The following WDR59 variants were observed in gnomAD, a reference collection of about 807,000 sequenced individuals.
The protein encoded by WDR59 is GATOR2 complex protein WDR59.
WDR59 carries 100 observed loss-of-function variants against 131.2 expected under a neutral mutation model. The ratio of observed to expected loss-of-function variants is 0.76; its 90% CI spans 0.65 to 0.90. The LOEUF (loss-of-function observed/expected upper bound fraction) is 0.90. Among genes scored for constraint, WDR59 ranks in the 40% least tolerant of loss-of-function variants. The pLI, the probability that WDR59 is intolerant of heterozygous loss-of-function variation, is 0.00. For synonymous variants in WDR59, 601 were observed against 466.2 expected (o/e 1.29, Z -3.72); for missense variants, 1,203 against 1,262.2 (o/e 0.95, Z 0.71).
intron 1 of WDR59, among the ~76,000 whole-genome samples, chr16:74,981,284 G>A (rs1378638191): frequency 1.3e-5 from 2 of 151,358 alleles, no homozygotes; most frequent in South Asian, 4.2e-4. Context: ...GTTGAGGCAG[G>A]AGAATGCCGT....
chr16:74,955,580 C>T (rs1183564549), intron 3 of WDR59, among the ~76,000 whole-genome samples: 1 of 152,114 alleles, frequency 6.6e-6, no homozygotes, highest in Non-Finnish European at 1.5e-5. Flanking sequence ...CAACCTCGGA[C>T]ATCCACAGTT....
chr16:74,981,631 TATATATATATATATATA>T (rs2034413656), intron 1 of WDR59, among the ~76,000 whole-genome samples: 4 of 5,798 alleles, frequency 6.9e-4, no homozygotes, highest in African/African-American at 2.1e-3. Flanking sequence ...TATATATATA[TATATATATATATATATA>T]TATATATATA....
At chr16:74,957,038 A>G (rs1252112659) in intron 2 of WDR59, among the ~76,000 whole-genome samples, 3 of 152,112 alleles carry the variant, frequency 2.0e-5, no homozygotes, top group South Asian at 4.2e-4. Context: ...TGAATCAACT[A>G]AGTGTTCAGA....
At position 74,938,996 on chromosome 16, in the gene WDR59, T is replaced by C. The variant is rs546066428; in HGVS notation, c.535-730A>G. ...CTAAGATTCCAAAGGAGAATGAATGTACATCACAAAAAAAAACAATACATG... is the reference window on the plus strand; with the variant it reads ...CTAAGATTCCAAAGGAGAATGAATGCACATCACAAAAAAAAACAATACATG... On this transcript the variant is annotated intron_variant, in intron 7 of 25. Transcript: ENST00000262144. 7.9e-5 allele frequency among the ~76,000 whole-genome samples: 12 copies of C among 151,652 alleles called. No homozygotes were observed. In the South Asian group the frequency reaches 2.5e-3, roughly 32 times the overall value.
intron 8 of WDR59, among the ~76,000 whole-genome samples, chr16:74,933,274 C>T (rs1011463302): frequency 1.3e-5 from 2 of 152,104 alleles, no homozygotes; most frequent in Non-Finnish European, 2.9e-5. Flanking sequence ...TGGAGTGCAG[C>T]CTGGGTGACA....
chr16:74,984,681 C>G (rs937149294), intron 1 of WDR59: 7 of 509,800 alleles, frequency 1.4e-5, no homozygotes, highest in Non-Finnish European at 2.5e-5. Flanking sequence ...GAAGCCTCCC[C>G]TCAGCACTCA....
intron 10 of WDR59, among the ~76,000 whole-genome samples, chr16:74,918,414 T>G (rs1470869429): frequency 2.0e-5 from 3 of 152,232 alleles, no homozygotes; most frequent in African/African-American, 4.8e-5. Context: ...AACTTTCACC[T>G]CTGCAAATGT....
At chr16:74,947,114 A>C (rs1013899482) in intron 6 of WDR59, among the ~76,000 whole-genome samples, 1 of 152,218 alleles carries the variant, frequency 6.6e-6, no homozygotes, top group African/African-American at 2.4e-5. Flanking sequence ...GAAAACAGGT[A>C]GATCAGAATG....
chr16:74,893,566 G>T, intron 19 of WDR59, 113 bp downstream of exon 19: 2 of 1,163,898 alleles, frequency 1.7e-6, no homozygotes, highest in Non-Finnish European at 2.4e-6. Context: ...CTAATACATT[G>T]GGCTTTTCCT....
At chr16:74,959,268 G>C in intron 2 of WDR59, 1 of 280,526 alleles carries the variant, frequency 3.6e-6, no homozygotes, top group Non-Finnish European at 7.0e-6. Context: ...ACCAGCCCAG[G>C]AAAAAACAAA....
At chr16:74,932,314 T>C (rs544347190) in intron 8 of WDR59, among the ~76,000 whole-genome samples, 3 of 151,820 alleles carry the variant, frequency 2.0e-5, no homozygotes, top group Non-Finnish European at 2.9e-5. Context: ...CATTTCAAAC[T>C]CCAGTCCTCA....
chr16:74,984,052 G>A (rs2034528360), intron 1 of WDR59, among the ~76,000 whole-genome samples: 1 of 152,048 alleles, frequency 6.6e-6, no homozygotes, highest in South Asian at 2.1e-4. Flanking sequence ...TGAGGTGGGT[G>A]GATCACCTGA....
In WDR59 at chr16:74,916,141, T is replaced by G. The variant is rs762095997; in HGVS notation, c.1085A>C (p.His362Pro). The part of the protein sequence containing the change: ...EDTDHQHTAS[H>P]GEEEALKEDP... ...TGACAAATTACCTTCTTCCTCCCCATGGCTTGCAGTGTGCTGGTGATCTGT... is the reference window on the plus strand; with the variant it reads ...TGACAAATTACCTTCTTCCTCCCCAGGGCTTGCAGTGTGCTGGTGATCTGT... The change falls in exon 12 of 26, where the codon CAT (histidine) becomes CCT (proline). Residue 362 changes from histidine to proline, a missense_variant. Transcript: ENST00000262144. 6.2e-7 allele frequency: 1 copy of G among 1,614,092 alleles called. No homozygotes were observed. The highest frequency in any genetic ancestry group is 1.3e-5 in the African/African-American group (1 of 74,942).
Position 74,892,139 on chromosome 16 carries a change from G to C in WDR59, c.2082+345C>G, listed in dbSNP as rs557510103. 4.9e-4 allele frequency among the ~76,000 whole-genome samples: 75 copies of C among 152,064 alleles called. 1 individual carries two copies. The highest frequency in any genetic ancestry group is 7.1e-4 in the Non-Finnish European group (48 of 67,992). ...ACATCTCTATCTAAAGGAGCACTTT[G>C]GTAAATATTTCATAAAATGAAGCAT... On this transcript the variant is annotated intron_variant, in intron 20 of 25. Transcript: ENST00000262144.
chr16:74,981,648 A>AT (rs2034425190), intron 1 of WDR59, among the ~76,000 whole-genome samples: 1 of 3,216 alleles, frequency 3.1e-4, no homozygotes, highest in Admixed American at 3.9e-3. Flanking sequence ...ATATATATAT[A>AT]TATATATATA....
intron 1 of WDR59, among the ~76,000 whole-genome samples, chr16:74,975,594 G>A (rs564723886): frequency 6.6e-6 from 1 of 150,854 alleles, no homozygotes; most frequent in South Asian, 2.1e-4. Flanking sequence ...AACCTGGGAG[G>A]TGGAGGATGC....
Position 74,886,333 on chromosome 16 carries a change from A to G in WDR59, c.2483T>C (p.Phe828Ser). 5 of 1,614,008 alleles carry G rather than the reference A, an allele frequency of 3.1e-6. 1 individual carries two copies. The highest frequency in any genetic ancestry group is 4.2e-6 in the Non-Finnish European group (5 of 1,180,004). The stretch of plus-strand genomic sequence containing the variant: ...GGGATCACTGTAGGTCAGACTCCCA[A>G]AGCGGAGCTCTTCTGGTGAGGATTC... ...WGESSPEELR[F>S]GSLTYSDPRE... The change falls in exon 24 of 26, where the codon TTT becomes TCT. Residue 828 changes from phenylalanine (F) to serine (S), a missense_variant. Transcript: ENST00000262144.
chr16:74,909,348 G>A (rs959748951), intron 16 of WDR59, among the ~76,000 whole-genome samples, 153 bp downstream of exon 16: 8 of 152,128 alleles, frequency 5.3e-5, no homozygotes, highest in African/African-American at 1.4e-4. Context: ...GACACCGACT[G>A]GGCCTCAGAC....
chr16:74,942,686 A>T, intron 7 of WDR59, 52 bp downstream of exon 7: 1 of 1,566,446 alleles, frequency 6.4e-7, no homozygotes, highest in Non-Finnish European at 8.8e-7. Flanking sequence ...TCATCTTCAC[A>T]CCCTCTGGGA....
Sources: gnomAD v4.1 joint callset for allele counts (sites outside exome capture counted in the v4.1 genomes callset) on GRCh38, gnomAD v4.1.1 for gene constraint, MANE v1.5 for transcripts, NCBI Gene and HGNC (gene_info 2026-07-23, HGNC 2026-07-21) for gene names.